The following ABHD6 variants were observed in gnomAD, a reference collection of about 807,000 sequenced individuals.
ABHD6 encodes the protein abhydrolase domain containing 6, acylglycerol lipase.
A neutral mutation model predicts 38.8 loss-of-function variants in ABHD6; 33 were observed. The ratio of observed to expected loss-of-function variants is 0.85; its 90% CI spans 0.64 to 1.14. The LOEUF is 1.14. ABHD6 is among the 50% of genes most tolerant of loss of function. The pLI, the probability that ABHD6 is intolerant of heterozygous loss-of-function variation, is 0.00. For synonymous variants in ABHD6, 147 were observed against 161.6 expected (o/e 0.91, Z 0.69); for missense variants, 380 against 422.6 (o/e 0.90, Z 0.88).
intron 2 of ABHD6, among the ~76,000 whole-genome samples, chr3:58,254,573 A>G (rs988767133): frequency 1.3e-5 from 2 of 152,148 alleles, no homozygotes; most frequent in African/African-American, 4.8e-5. Context: ...ATAGAGGCAT[A>G]TGGGAGAGAT....
At chr3:58,278,220 C>A (rs1026867669) in intron 7 of ABHD6, among the ~76,000 whole-genome samples, 1 of 152,288 alleles carries the variant, frequency 6.6e-6, no homozygotes, top group East Asian at 1.9e-4. Context: ...GCCTGTAAAT[C>A]TGTCTGGTCC....
Position 58,287,147 on chromosome 3 carries a change from G to T in ABHD6, c.837+1694G>T, listed in dbSNP as rs1260284566. 6.6e-6 allele frequency among the ~76,000 whole-genome samples: 1 copy of T among 151,802 alleles called. No individual in the cohort carries two copies. The highest frequency in any genetic ancestry group is 2.1e-4 in the South Asian group (1 of 4,816). On this transcript the variant is annotated intron_variant, in intron 9 of 9. Transcript: ENST00000478253. This position sits in a 1 kb window ranked among gnomAD's most constrained non-coding sequence, Gnocchi z 4.7. ...AATTTTTAAAAAAGTAGCCAAGCAT[G>T]GTGGTATGCATCTGTAGTCCCAGCT...
At chr3:58,260,411 T>C (rs1235118367) in intron 3 of ABHD6, among the ~76,000 whole-genome samples, 1 of 152,226 alleles carries the variant, frequency 6.6e-6, no homozygotes, top group African/African-American at 2.4e-5. Flanking sequence ...CCAGGTGGCA[T>C]TGTGACACGG....
At chr3:58,268,865 G>T (rs528430145) in intron 4 of ABHD6, among the ~76,000 whole-genome samples, 2 of 152,120 alleles carry the variant, frequency 1.3e-5, no homozygotes, top group South Asian at 2.1e-4. Context: ...AACCAGAATC[G>T]GGGTGATCAG....
At position 58,270,948 on chromosome 3, in the gene ABHD6, A is replaced by G. The variant is rs763597241; in HGVS notation, c.407A>G (p.Lys136Arg). ...KRIHQFVECL[K>R]LNKKPFHLVG... ...CCTTCCTAGTTTGTAGAATGCCTGA[A>G]GCTGAACAAAAAACCTTTCCACCTG... The change falls in exon 6 of 10, where the codon AAG (lysine) becomes AGG (arginine). Residue 136 changes from lysine to arginine, a missense_variant. Transcript: ENST00000478253. The G allele has an allele frequency of 5.6e-6, 9 of 1,608,600 alleles. No individual in the cohort carries two copies. The Admixed American group carries it at 1.5e-4, about 28-fold the overall frequency.
At chr3:58,260,660 C>T (rs1269562306) in intron 3 of ABHD6, among the ~76,000 whole-genome samples, 1 of 152,186 alleles carries the variant, frequency 6.6e-6, no homozygotes, top group Non-Finnish European at 1.5e-5. Flanking sequence ...CCAGTGATGA[C>T]CACCAGTGGG....
At chr3:58,268,025 A>G (rs2097442344) in intron 4 of ABHD6, among the ~76,000 whole-genome samples, 1 of 152,202 alleles carries the variant, frequency 6.6e-6, no homozygotes, top group Non-Finnish European at 1.5e-5. Context: ...GTGAACCAAG[A>G]TCGTGCTATA....
At position 58,285,525 on chromosome 3, in the gene ABHD6, A is replaced by T. The variant is rs144921508; in HGVS notation, c.837+72A>T. On this transcript the variant is annotated intron_variant, in intron 9 of 9. Transcript: ENST00000478253. This position sits in a 1 kb window ranked among gnomAD's most constrained non-coding sequence, Gnocchi z 4.9. ...CTGAGGAAAAACGTCCTTGAGGAAG[A>T]ACAAGTGGTTATTTATGGAGTGAGC... 1.1e-5 allele frequency: 14 copies of T among 1,323,032 alleles called. No individual in the cohort carries two copies. Among genetic ancestry groups the T allele is most frequent in the South Asian group, 2.4e-5 (2 of 84,208 alleles). The allele number at this position is 1,323,032 out of a possible 1,614,324, so 82.0% of individuals were successfully genotyped here. A position where few individuals can be genotyped will look rare whatever the true frequency, so the allele number is the denominator to read the frequency against.
At chr3:58,255,206 T>C (rs1381454828) in intron 2 of ABHD6, among the ~76,000 whole-genome samples, 3 of 152,222 alleles carry the variant, frequency 2.0e-5, no homozygotes, top group South Asian at 4.1e-4. Context: ...TGTAAGTCTT[T>C]AGGAAGACAT....
In ABHD6 at chr3:58,267,048, A is replaced by C; in HGVS notation, c.120-141A>C. The C allele has an allele frequency of 1.1e-6, 1 of 897,322 alleles. No homozygotes were observed. Among genetic ancestry groups the C allele is most frequent in the Non-Finnish European group, 1.7e-6 (1 of 587,898 alleles). The allele number at this position is 897,322 out of a possible 1,614,324, so 55.6% of individuals were successfully genotyped here. On this transcript the variant is annotated intron_variant, in intron 3 of 9. Transcript: ENST00000478253. The surrounding 1 kb of genome is among the most constrained non-coding windows in gnomAD (Gnocchi z 4.3). ...TGAGGGTAAAGCTCAGGAGGACTCTAGAGACTGATGGAGGACAAGGGCTGG... is the reference window on the plus strand; with the variant it reads ...TGAGGGTAAAGCTCAGGAGGACTCTCGAGACTGATGGAGGACAAGGGCTGG...
intron 7 of ABHD6, among the ~76,000 whole-genome samples, chr3:58,283,066 A>T (rs1554123): frequency 1.3e-5 from 2 of 152,054 alleles, no homozygotes; most frequent in African/African-American, 4.8e-5. Flanking sequence ...CCCTGCCTGG[A>T]GGTGGGCAGG....
At chr3:58,241,692 C>G (rs12638976) in intron 1 of ABHD6, among the ~76,000 whole-genome samples, 28,954 of 152,054 alleles carry the variant, frequency 0.19, 4,438 homozygotes, top group East Asian at 0.76. Flanking sequence ...CAATGCAGAC[C>G]CTGCCCAGAG....
intron 9 of ABHD6, among the ~76,000 whole-genome samples, chr3:58,290,804 C>T (rs1481236793): frequency 1.3e-5 from 2 of 151,258 alleles, no homozygotes; most frequent in African/African-American, 4.9e-5. Flanking sequence ...AGACGCTCCT[C>T]ACTTCCTAGA....
At position 58,285,058 on chromosome 3, in the gene ABHD6, C is replaced by G; in HGVS notation, c.682-27C>G. 3.7e-6 allele frequency: 6 copies of G among 1,610,738 alleles called. No individual in the cohort carries two copies. Among genetic ancestry groups the G allele is most frequent in the South Asian group, 2.2e-5 (2 of 90,996 alleles). ...CTGAGGAAATGAATCTTCTCTTGCTCTCTAACTTTGGGTTATTTATCCTTA... is the reference window on the plus strand; with the variant it reads ...CTGAGGAAATGAATCTTCTCTTGCTGTCTAACTTTGGGTTATTTATCCTTA... On this transcript the variant is annotated intron_variant, in intron 7 of 9. Coordinates refer to ENST00000478253, the MANE Select transcript of ABHD6 (RefSeq NM_001320126.2). The surrounding 1 kb of genome is among the most constrained non-coding windows in gnomAD (Gnocchi z 4.9).
intron 1 of ABHD6, among the ~76,000 whole-genome samples, chr3:58,247,925 A>G (rs2097427527): frequency 6.6e-6 from 1 of 152,364 alleles, no homozygotes; most frequent in Non-Finnish European, 1.5e-5. Flanking sequence ...CAAAAGGGAC[A>G]AAAGGTATCA....
chr3:58,284,124 G>A lies in ABHD6; in HGVS notation c.682-961G>A, dbSNP rs902030557. On this transcript the variant is annotated intron_variant, in intron 7 of 9. Transcript: ENST00000478253. ...CTGTACTCTACCTCAGGAGTCCTGA[G>A]GCAGGAGGAAGAGAAGAACTGTGTT... 4.6e-5 allele frequency among the ~76,000 whole-genome samples: 7 copies of A among 152,290 alleles called. No homozygotes were observed. The East Asian group carries it at 1.4e-3, about 29-fold the overall frequency.
intron 7 of ABHD6, among the ~76,000 whole-genome samples, chr3:58,284,644 G>T (rs2097455673): frequency 6.6e-6 from 1 of 151,898 alleles, no homozygotes; most frequent in Non-Finnish European, 1.5e-5. Context: ...AGAGATGGGG[G>T]TTTCACCATT....
chr3:58,286,850 G>GCATATATATATATATATATATA (rs1553721726), intron 9 of ABHD6, among the ~76,000 whole-genome samples: 4 of 72,842 alleles, frequency 5.5e-5, no homozygotes, highest in Non-Finnish European at 7.9e-5. Flanking sequence ...GTGTGTGTGT[G>GCATATATATATATATATATATA]TGTATATATA....
Position 58,285,417 on chromosome 3 carries a change from G to T in ABHD6, c.801G>T (p.Lys267Asn). The T allele has an allele frequency of 8.1e-6, 13 of 1,614,138 alleles. No homozygotes were observed. Among genetic ancestry groups the T allele is most frequent in the Non-Finnish European group, 1.1e-5 (13 of 1,179,962 alleles). The change falls in exon 9 of 10, where the codon AAG (lysine) becomes AAT (asparagine). Residue 267 changes from lysine (K) to asparagine (N), a missense_variant. Physicochemically the swap from Lys to Asn is moderately conservative, Grantham distance 94. Transcript: ENST00000478253. The surrounding 1 kb of genome is among the most constrained non-coding windows in gnomAD (Gnocchi z 4.9). ...YSLHQNMDKIKVPTQIIWGKQ... is the reference protein window; with the variant it reads ...YSLHQNMDKINVPTQIIWGKQ... ...TCCATCAGAACATGGACAAGATCAA[G>T]GTTCCGACGCAGATCATCTGGGGGA...
Sources: gnomAD v4.1 joint callset for allele counts (sites outside exome capture counted in the v4.1 genomes callset) on GRCh38, gnomAD v4.1.1 for gene constraint, Gnocchi (gnomAD v3.1) non-coding constraint, MANE v1.5 for transcripts, NCBI Gene and HGNC (gene_info 2026-07-23, HGNC 2026-07-21) for gene names.